The following C9 variants were observed in gnomAD, a reference collection of about 807,000 sequenced individuals.
C9 encodes complement C9, also known as complement component C9.
In C9, 63 loss-of-function variants were observed where a neutral mutation model predicts 65.4. The observed-to-expected ratio is 0.96, with a 90% CI of 0.79 to 1.19. C9 has a LOEUF of 1.19. Among genes scored for constraint, C9 ranks in the 50% most tolerant of loss-of-function variants. The pLI is 0.00. For missense variants in C9, 744 were observed against 670.1 expected (o/e 1.11, Z -1.22); for synonymous variants, 229 against 227.9 (o/e 1.00, Z -0.04).
intron 9 of C9, among the ~76,000 whole-genome samples, chr5:39,306,381 G>C (rs1753377695): frequency 6.6e-6 from 1 of 152,048 alleles, no homozygotes. Context: ...ATTCAGTGTT[G>C]TAGAGGTCAG....
At chr5:39,317,179 C>G (rs1461677389) in intron 5 of C9, among the ~76,000 whole-genome samples, 1 of 152,104 alleles carries the variant, frequency 6.6e-6, no homozygotes, top group Admixed American at 6.6e-5. Flanking sequence ...CCTTTGCCCA[C>G]TTTTTAATGG....
chr5:39,361,138 A>G (rs1462242319), intron 1 of C9, among the ~76,000 whole-genome samples: 1 of 152,104 alleles, frequency 6.6e-6, no homozygotes, highest in East Asian at 1.9e-4. Context: ...AAGTAAAAGA[A>G]AGTAAAAAAT....
intron 9 of C9, among the ~76,000 whole-genome samples, chr5:39,304,945 C>T (rs1393526301): frequency 6.6e-6 from 1 of 152,086 alleles, no homozygotes; most frequent in African/African-American, 2.4e-5. Context: ...AAAATTATCT[C>T]TAGAACGTGC....
chr5:39,299,385 T>C (rs2111860673), intron 9 of C9, among the ~76,000 whole-genome samples: 1 of 152,230 alleles, frequency 6.6e-6, no homozygotes, highest in Non-Finnish European at 1.5e-5. Context: ...AATGGCTTTA[T>C]TCATAATCAC....
chr5:39,294,738 C>A (rs1753153369), intron 9 of C9, among the ~76,000 whole-genome samples: 1 of 151,716 alleles, frequency 6.6e-6, no homozygotes, highest in Admixed American at 6.6e-5. Context: ...ACCCTGATAT[C>A]AAAACCAGAC....
At chr5:39,339,651 C>CTTTTT (rs550624256) in intron 4 of C9, among the ~76,000 whole-genome samples, 1 of 57,492 alleles carries the variant, frequency 1.7e-5, no homozygotes, top group African/African-American at 7.4e-5. Flanking sequence ...TCTTTTCTCT[C>CTTTTT]TTTTTTTTTT....
At chr5:39,299,324 C>T (rs1422671612) in intron 9 of C9, among the ~76,000 whole-genome samples, 1 of 151,912 alleles carries the variant, frequency 6.6e-6, no homozygotes, top group Admixed American at 6.6e-5. Flanking sequence ...AATCTCTCTC[C>T]TAGAGAAAAG....
At chr5:39,350,464 A>G (rs1476578018) in intron 1 of C9, among the ~76,000 whole-genome samples, 4 of 152,212 alleles carry the variant, frequency 2.6e-5, no homozygotes, top group Non-Finnish European at 4.4e-5. Flanking sequence ...TTAACTAAAA[A>G]GTCCAAGTTG....
chr5:39,346,468 C>T (rs370902546), intron 1 of C9, among the ~76,000 whole-genome samples: 1 of 152,014 alleles, frequency 6.6e-6, no homozygotes, highest in South Asian at 2.1e-4. Context: ...AAGACTAAAC[C>T]AGGAAGAAGT....
At chr5:39,306,850 A>G in intron 8 of C9, 58 bp from the exon 9 acceptor site, 1 of 1,194,372 alleles carries the variant, frequency 8.4e-7, no homozygotes, top group Non-Finnish European at 1.2e-6. Context: ...GAAGCCAGTT[A>G]TCAAAAGGAC....
At chr5:39,358,757 G>A (rs527259159) in intron 1 of C9, among the ~76,000 whole-genome samples, 5 of 151,930 alleles carry the variant, frequency 3.3e-5, no homozygotes, top group South Asian at 2.1e-4. Flanking sequence ...AGGCCAAGGC[G>A]GGTGGATCAT....
intron 1 of C9, among the ~76,000 whole-genome samples, chr5:39,345,159 T>G (rs888586959): frequency 2.0e-4 from 31 of 152,204 alleles, no homozygotes; most frequent in African/African-American, 7.2e-4. Flanking sequence ...AGGATCAAAT[T>G]CACACATAAC....
chr5:39,356,880 C>T (rs1013872622), intron 1 of C9, among the ~76,000 whole-genome samples: 1 of 152,174 alleles, frequency 6.6e-6, no homozygotes, highest in Non-Finnish European at 1.5e-5. Flanking sequence ...TGCCTATTAC[C>T]CTGCTGTGCT....
chr5:39,286,550 A>C (rs1218315442), intron 10 of C9, among the ~76,000 whole-genome samples: 1 of 152,074 alleles, frequency 6.6e-6, no homozygotes, highest in African/African-American at 2.4e-5. Flanking sequence ...AAATAATCTC[A>C]ATAGGTCAGC....
At chr5:39,352,435 G>A (rs892593521) in intron 1 of C9, among the ~76,000 whole-genome samples, 8 of 152,156 alleles carry the variant, frequency 5.3e-5, no homozygotes, top group African/African-American at 1.9e-4. Context: ...ATTCCCAAAT[G>A]AGTGCGTTAA....
chr5:39,335,003 A>AG (rs1339981094), intron 4 of C9, among the ~76,000 whole-genome samples: 1 of 151,630 alleles, frequency 6.6e-6, no homozygotes, highest in East Asian at 1.9e-4. Flanking sequence ...GGAAAAAAAA[A>AG]AAAAGAAATA....
At chr5:39,336,392 T>C (rs1283252144) in intron 4 of C9, among the ~76,000 whole-genome samples, 1 of 152,104 alleles carries the variant, frequency 6.6e-6, no homozygotes, top group African/African-American at 2.4e-5. Flanking sequence ...TTTTTATTGA[T>C]TGTCTTGTCA....
At position 39,311,091 on chromosome 5, in the gene C9, T is replaced by C. The variant is rs757109482; in HGVS notation, c.1111+46A>G. ...AACAGGTTGGTGAACAAAATAATGT[T>C]TGGTCAAAACAGTATTTGAAGTCAG... On this transcript the variant is annotated intron_variant, in intron 7 of 10. Coordinates refer to ENST00000263408, the MANE Select transcript of C9 (RefSeq NM_001737.5). 2.5e-6 allele frequency: 4 copies of C among 1,603,438 alleles called. No individual in the cohort carries two copies. In the African/African-American group the frequency reaches 5.4e-5, roughly 21 times the overall value.
intron 1 of C9, among the ~76,000 whole-genome samples, chr5:39,358,047 C>T (rs759604929): frequency 6.6e-6 from 1 of 152,130 alleles, no homozygotes; most frequent in Non-Finnish European, 1.5e-5. Context: ...AAGTGACAGA[C>T]ATGTGAGTGA....
Sources: gnomAD v4.1 joint callset for allele counts (sites outside exome capture counted in the v4.1 genomes callset) on GRCh38, gnomAD v4.1.1 for gene constraint, MANE v1.5 for transcripts, NCBI Gene and HGNC (gene_info 2026-07-23, HGNC 2026-07-21) for gene names.